BBS9: variants seen among roughly 807,000 people sequenced by gnomAD.
BBS9 encodes protein PTHB1.
Under a neutral mutation model 117.7 loss-of-function variants are expected in BBS9, and 89 were observed. The ratio of observed to expected loss-of-function variants is 0.76; its 90% CI spans 0.64 to 0.90. The LOEUF (loss-of-function observed/expected upper bound fraction) is 0.90. BBS9 is among the 40% of genes least tolerant of loss of function. The pLI is 0.00. For missense variants in BBS9, 982 were observed against 1,042.2 expected, an observed-to-expected ratio of 0.94 and a Z score of 0.80; for synonymous variants, 379 against 370.9, an observed-to-expected ratio of 1.02 and a Z score of -0.25.
chr7:33,242,664 T>C (rs181739618), intron 5 of BBS9, among the ~76,000 whole-genome samples: 2 of 152,264 alleles, frequency 1.3e-5, no homozygotes, highest in South Asian at 2.1e-4. Flanking sequence ...CCCCTACTTA[T>C]TGTTTGATTT....
At chr7:33,488,243 C>T (rs1843383739) in intron 19 of BBS9, among the ~76,000 whole-genome samples, 1 of 152,130 alleles carries the variant, frequency 6.6e-6, no homozygotes, top group Admixed American at 6.5e-5. Flanking sequence ...AAGCTCATGC[C>T]TTGTAGGTAA....
chr7:33,360,585 A>G (rs1297725739), intron 16 of BBS9, among the ~76,000 whole-genome samples: 2 of 151,182 alleles, frequency 1.3e-5, no homozygotes, highest in Non-Finnish European at 2.9e-5. Flanking sequence ...CGGTGGCACA[A>G]TCATGGCTTA....
rs945936797 is a variant in BBS9, at chr7:33,187,502, C to T, written c.442+9911C>T. Among the ~76,000 whole-genome samples the T allele has an allele frequency of 8.5e-5, 13 of 152,322 alleles. No individual in the cohort carries two copies. The South Asian group carries it at 1.7e-3, about 19-fold the overall frequency. Reference sequence around the variant, plus strand: ...GAAGCAAGTCTGGTGTGTTGTTCCTCCCTTACATCATCTCTCTTTGTCCCT... The same window carrying T: ...GAAGCAAGTCTGGTGTGTTGTTCCTTCCTTACATCATCTCTCTTTGTCCCT... On this transcript the variant is annotated intron_variant, in intron 5 of 22. Coordinates refer to ENST00000242067, the MANE Select transcript of BBS9 (RefSeq NM_198428.3).
At chr7:33,201,585 A>G (rs1785872706) in intron 5 of BBS9, among the ~76,000 whole-genome samples, 1 of 151,418 alleles carries the variant, frequency 6.6e-6, no homozygotes, top group Non-Finnish European at 1.5e-5. Flanking sequence ...AGTTGACCTC[A>G]CTCTACTCTT....
At chr7:33,618,248 G>A (rs1324184897) in intron 21 of BBS9, among the ~76,000 whole-genome samples, 3 of 152,194 alleles carry the variant, frequency 2.0e-5, no homozygotes, top group Admixed American at 1.3e-4. Context: ...TGGAGGCTGA[G>A]ATGGGAGGAT....
intron 5 of BBS9, among the ~76,000 whole-genome samples, chr7:33,183,052 G>C (rs1435477967): frequency 1.3e-5 from 2 of 152,114 alleles, no homozygotes; most frequent in African/African-American, 4.8e-5. Flanking sequence ...TCCATTAGCT[G>C]TCCCCAAAAG....
chr7:33,222,227 A>G (rs1206188666), intron 5 of BBS9, among the ~76,000 whole-genome samples: 1 of 152,210 alleles, frequency 6.6e-6, no homozygotes, highest in Non-Finnish European at 1.5e-5. Flanking sequence ...ATATGCGGTT[A>G]TACCTTTTTA....
At chr7:33,548,280 T>C (rs1022441114) in intron 21 of BBS9, among the ~76,000 whole-genome samples, 1 of 152,336 alleles carries the variant, frequency 6.6e-6, no homozygotes, top group Non-Finnish European at 1.5e-5. Flanking sequence ...TTCTTATTTC[T>C]TTAATTGTCA....
intron 19 of BBS9, among the ~76,000 whole-genome samples, chr7:33,497,137 A>G (rs1210771412): frequency 1.3e-5 from 2 of 152,178 alleles, no homozygotes; most frequent in African/African-American, 2.4e-5. Context: ...AACAGTCATT[A>G]GAGCTGTCTG....
At chr7:33,422,281 T>G (rs1405472922) in intron 19 of BBS9, among the ~76,000 whole-genome samples, 1 of 152,206 alleles carries the variant, frequency 6.6e-6, no homozygotes, top group East Asian at 1.9e-4. Flanking sequence ...TAATTCATTT[T>G]ACTTTGTGAA....
chr7:33,450,776 C>A (rs560870291), intron 19 of BBS9, among the ~76,000 whole-genome samples: 2 of 150,250 alleles, frequency 1.3e-5, no homozygotes, highest in African/African-American at 4.9e-5. Context: ...GATATTAATT[C>A]TTTGTCACAT....
chr7:33,259,567 G>T (rs1353944558), intron 6 of BBS9, among the ~76,000 whole-genome samples: 1 of 151,728 alleles, frequency 6.6e-6, no homozygotes, highest in Non-Finnish European at 1.5e-5. Flanking sequence ...TAGAGACGGG[G>T]TCTCACTATG....
At chr7:33,219,256 C>T (rs1789710194) in intron 5 of BBS9, among the ~76,000 whole-genome samples, 1 of 152,228 alleles carries the variant, frequency 6.6e-6, no homozygotes, top group Non-Finnish European at 1.5e-5. Context: ...CTGAGCCTCC[C>T]ACCCCCTCCG....
intron 10 of BBS9, 72 bp downstream of exon 10, chr7:33,336,694 A>G: frequency 7.4e-6 from 8 of 1,085,700 alleles, no homozygotes; most frequent in Non-Finnish European, 1.1e-5. Flanking sequence ...GATAGATATT[A>G]TTTTGTGTAT....
chr7:33,422,357 T>C (rs1405060155), intron 19 of BBS9, among the ~76,000 whole-genome samples: 2 of 152,210 alleles, frequency 1.3e-5, no homozygotes, highest in African/African-American at 4.8e-5. Context: ...ATATTTACCA[T>C]AGCAGAATTA....
intron 19 of BBS9, among the ~76,000 whole-genome samples, chr7:33,416,860 C>G (rs758841753): frequency 1.5e-4 from 23 of 152,292 alleles, no homozygotes; most frequent in Non-Finnish European, 3.2e-4. Context: ...CCATTGTTCC[C>G]TTTTCTTTTA....
chr7:33,377,322 A>G (rs1824082848), intron 17 of BBS9, among the ~76,000 whole-genome samples: 2 of 152,058 alleles, frequency 1.3e-5, no homozygotes, highest in African/African-American at 2.4e-5. Flanking sequence ...TGAAGATTAG[A>G]TGGTTGAAGG....
At chr7:33,570,619 C>G (rs1398074048) in intron 21 of BBS9, among the ~76,000 whole-genome samples, 2 of 152,182 alleles carry the variant, frequency 1.3e-5, no homozygotes, top group Middle Eastern at 3.4e-3. Flanking sequence ...TGCATAGTCT[C>G]AAATATATTT....
At chr7:33,490,881 G>A (rs1843797024) in intron 19 of BBS9, among the ~76,000 whole-genome samples, 1 of 152,214 alleles carries the variant, frequency 6.6e-6, no homozygotes, top group South Asian at 2.1e-4. Context: ...TTTCAAAGCG[G>A]TGTGGACAGT....
Sources: allele counts gnomAD v4.1 joint callset (sites outside exome capture counted in the v4.1 genomes callset), GRCh38; gene constraint gnomAD v4.1.1; transcripts MANE v1.5; gene names NCBI Gene and HGNC (gene_info 2026-07-23, HGNC 2026-07-21).